Variants in SNX27 observed in about 807,000 individuals in gnomAD.
SNX27 encodes sorting nexin 27.
In SNX27, 22 loss-of-function variants were observed where a neutral mutation model predicts 71.6. That is an observed-to-expected ratio of 0.31 (90% confidence interval 0.22 to 0.44). SNX27 has a LOEUF of 0.44. Ranked by LOEUF, SNX27 falls within the 20% of genes least tolerant of loss-of-function variation. SNX27 has a pLI of 1.00. For missense variants in SNX27, 531 were observed against 698.6 expected (o/e 0.76, Z 2.70); for synonymous variants, 269 against 277.2 (o/e 0.97, Z 0.29).
At chr1:151,617,195 GTTAATA>G (rs531201199) in intron 1 of SNX27, among the ~76,000 whole-genome samples, 215 of 152,274 alleles carry the variant, frequency 1.4e-3, no homozygotes, top group Non-Finnish European at 2.6e-3. Flanking sequence ...GGTAGCACAA[GTTAATA>G]TTAATAGTTA....
At chr1:151,629,508 CAT>C (rs1381661731) in intron 1 of SNX27, 1 of 147,782 alleles carries the variant, frequency 6.8e-6, no homozygotes, top group Admixed American at 6.8e-5. Context: ...TATATATATA[CAT>C]ATATACACGT....
chr1:151,638,941 G>A lies in SNX27; in HGVS notation c.365G>A (p.Arg122Gln), dbSNP rs761261632. The A allele has an allele frequency of 4.3e-6, 7 of 1,613,970 alleles. No individual in the cohort carries two copies. Among genetic ancestry groups the A allele is most frequent in the East Asian group, 2.2e-5 (1 of 44,888 alleles). Residue 122 changes from arginine (R) to glutamine (Q), a missense_variant, in exon 2 of 12, where the codon CGA becomes CAA. By Grantham distance (43) the Arg-to-Gln change is conservative. Transcript: ENST00000458013. ...ATHKQVVDLI[R>Q]AGEKELILTV... ...CACAAGCAGGTGGTGGACCTGATTC[G>A]AGCAGGCGAGAAGGAATTGATCTTG...
At chr1:151,668,188 C>T (rs1175737157) in intron 6 of SNX27, among the ~76,000 whole-genome samples, 1 of 152,136 alleles carries the variant, frequency 6.6e-6, no homozygotes, top group Non-Finnish European at 1.5e-5. Context: ...CAAATTTCAA[C>T]ATGAACTTTG....
chr1:151,684,234 A>G (rs1462313240), intron 8 of SNX27, among the ~76,000 whole-genome samples: 1 of 152,204 alleles, frequency 6.6e-6, no homozygotes, highest in Non-Finnish European at 1.5e-5. Flanking sequence ...TTCAATAGCT[A>G]CTAGACTCAT....
chr1:151,678,048 G>A (rs1239227106), intron 7 of SNX27: 1 of 151,758 alleles, frequency 6.6e-6, no homozygotes, highest in Non-Finnish European at 1.5e-5. Flanking sequence ...TTTTAAAGGA[G>A]GGGACAGAAT....
At chr1:151,616,385 T>G (rs1191229650) in intron 1 of SNX27, among the ~76,000 whole-genome samples, 1 of 152,234 alleles carries the variant, frequency 6.6e-6, no homozygotes, top group African/African-American at 2.4e-5. Context: ...CATGGACCAC[T>G]AAGATTGGCT....
Position 151,628,970 on chromosome 1 carries a change from G to T in SNX27, c.312-9918G>T, listed in dbSNP as rs183878217. On this transcript the variant is annotated intron_variant, in intron 1 of 11. Coordinates refer to ENST00000458013, the MANE Select transcript of SNX27 (RefSeq NM_001330723.2). The stretch of plus-strand genomic sequence containing the variant: ...TAACAGTGTCTCTTGCAGAGCAGAA[G>T]TTTTCAATTTTAATAAAGTTCAACT... 5.2e-3 allele frequency among the ~76,000 whole-genome samples: 789 copies of T among 152,198 alleles called. 6 individuals are homozygous for T. The highest frequency in any genetic ancestry group is 0.01 in the Middle Eastern group (3 of 294).
chr1:151,665,442 G>A (rs1670148322), intron 5 of SNX27, among the ~76,000 whole-genome samples: 1 of 152,140 alleles, frequency 6.6e-6, no homozygotes, highest in Non-Finnish European at 1.5e-5. Flanking sequence ...TGTTTAGCCA[G>A]AATATAATTG....
At chr1:151,665,322 A>C (rs952432697) in intron 5 of SNX27, among the ~76,000 whole-genome samples, 3 of 152,180 alleles carry the variant, frequency 2.0e-5, no homozygotes, top group Non-Finnish European at 4.4e-5. Flanking sequence ...TTATTGTCCC[A>C]GCATTTTGCT....
In SNX27 at chr1:151,695,392, A is replaced by AT. The variant is rs1229315021; in HGVS notation, c.*978dup. 9.2e-6 allele frequency: 1 copy of AT among 108,458 alleles called. No individual in the cohort carries two copies. Among genetic ancestry groups the AT allele is most frequent in the East Asian group, 2.7e-4 (1 of 3,718 alleles). The allele number at this position is 108,458 out of a possible 1,614,324, so 6.7% of individuals were successfully genotyped here. The stretch of plus-strand genomic sequence containing the variant: ...GAACCTGAAACACTTCATGGTAGTA[A>AT]TTTCCTGTTTTCCTTGCCTTTTTTT... On this transcript the variant is annotated 3_prime_UTR_variant, in exon 12 of 12. Coordinates refer to ENST00000458013, the MANE Select transcript of SNX27 (RefSeq NM_001330723.2).
chr1:151,662,143 T>C (rs1669988968), intron 4 of SNX27, 23 bp from the exon 5 acceptor site: 1 of 1,563,192 alleles, frequency 6.4e-7, no homozygotes, highest in Admixed American at 1.7e-5. Context: ...CCATAAATTA[T>C]TTCTCTATGT....
chr1:151,689,906 T>C (rs1181421306), intron 8 of SNX27, among the ~76,000 whole-genome samples: 4 of 152,022 alleles, frequency 2.6e-5, no homozygotes, highest in Admixed American at 2.6e-4. Flanking sequence ...TGGAGTGCGG[T>C]GGCACAATCC....
At chr1:151,631,042 A>T (rs1414471194) in intron 1 of SNX27, among the ~76,000 whole-genome samples, 1 of 152,224 alleles carries the variant, frequency 6.6e-6, no homozygotes, top group Non-Finnish European at 1.5e-5. Flanking sequence ...AAAAAAAAGA[A>T]TATTCTTCCA....
chr1:151,689,278 A>C (rs1227162343), intron 8 of SNX27, among the ~76,000 whole-genome samples: 1 of 152,170 alleles, frequency 6.6e-6, no homozygotes, highest in Non-Finnish European at 1.5e-5. Flanking sequence ...CAGAAGTGGA[A>C]CTAGAATTTG....
intron 7 of SNX27, among the ~76,000 whole-genome samples, chr1:151,673,007 TC>T (rs1355615925): frequency 2.0e-5 from 3 of 151,966 alleles, no homozygotes; most frequent in African/African-American, 7.2e-5. Flanking sequence ...TTTCTTTTCT[TC>T]TACTAATTGG....
In SNX27 at chr1:151,635,721, A is replaced by G. The variant is rs79134798; in HGVS notation, c.312-3167A>G. 3.4e-3 allele frequency among the ~76,000 whole-genome samples: 513 copies of G among 152,302 alleles called. 2 individuals carry two copies. Among genetic ancestry groups the G allele is most frequent in the African/African-American group, 0.012 (496 of 41,556 alleles). Reference sequence around the variant, plus strand: ...TCATGGAATGTATAGCATTCCTTCTATAGTTGAACCAGATAAATATTAGCA... The same window carrying G: ...TCATGGAATGTATAGCATTCCTTCTGTAGTTGAACCAGATAAATATTAGCA... On this transcript the variant is annotated intron_variant, in intron 1 of 11. Transcript: ENST00000458013.
intron 2 of SNX27, among the ~76,000 whole-genome samples, chr1:151,644,183 A>G (rs924173767): frequency 2.0e-5 from 3 of 152,222 alleles, no homozygotes; most frequent in Non-Finnish European, 4.4e-5. Flanking sequence ...CTTGATTTCA[A>G]CTTCTTACAT....
intron 3 of SNX27, 167 bp from the exon 4 acceptor site, chr1:151,660,631 A>G (rs1669921347): frequency 3.4e-6 from 2 of 586,800 alleles, no homozygotes; most frequent in Non-Finnish European, 6.1e-6. Context: ...AATGTTTGTC[A>G]TGCCTTAAAA....
chr1:151,692,432 T>TTTAGTAAAAAAA lies in SNX27; in HGVS notation c.1240-3_1240-2insTTAGTAAAAAAA. The TTTAGTAAAAAAA allele has an allele frequency of 6.9e-7, 1 of 1,452,074 alleles. No individual in the cohort carries two copies. The highest frequency in any genetic ancestry group is 9.1e-7 in the Non-Finnish European group (1 of 1,101,932). 89.9% of individuals were successfully genotyped at this position (1,452,074 alleles called of 1,614,324 possible). A position where few individuals can be genotyped will look rare whatever the true frequency, so the allele number is the denominator to read the frequency against. ...TTTTTTTTTTTTTTTTTTTTTTTTT[T>TTTAGTAAAAAAA]AGTACCTCAACATGCTAAGGACTTG... On this transcript the variant is annotated splice_polypyrimidine_tract_variant and splice_region_variant and intron_variant, in intron 8 of 11. Coordinates refer to ENST00000458013, the MANE Select transcript of SNX27 (RefSeq NM_001330723.2).
Sources: allele counts gnomAD v4.1 joint callset (sites outside exome capture counted in the v4.1 genomes callset), GRCh38; gene constraint gnomAD v4.1.1; transcripts MANE v1.5; gene names NCBI Gene and HGNC (gene_info 2026-07-23, HGNC 2026-07-21).